The following SNX29 variants were observed in gnomAD, a reference collection of about 807,000 sequenced individuals.
SNX29 encodes sorting nexin-29.
In SNX29, 78 loss-of-function variants were observed where a neutral mutation model predicts 102.1. The ratio of observed to expected loss-of-function variants is 0.76; its 90% CI spans 0.64 to 0.92. SNX29 has a LOEUF of 0.92. Ranked by LOEUF, SNX29 falls within the 40% of genes least tolerant of loss-of-function variation. The pLI is 0.00. For missense variants in SNX29, 1,280 were observed against 1,061.7 expected, an observed-to-expected ratio of 1.21 and a Z score of -2.86; for synonymous variants, 580 against 414.5, an observed-to-expected ratio of 1.40 and a Z score of -4.85.
chr16:12,140,029 G>A (rs1304413245), intron 13 of SNX29, among the ~76,000 whole-genome samples: 1 of 145,748 alleles, frequency 6.9e-6, no homozygotes, highest in Non-Finnish European at 1.5e-5. Flanking sequence ...ACCACTTAGA[G>A]TCAGTAGTAG....
intron 13 of SNX29, among the ~76,000 whole-genome samples, chr16:12,147,623 A>C (rs1421750207): frequency 6.6e-6 from 1 of 152,248 alleles, no homozygotes; most frequent in Non-Finnish European, 1.5e-5. Context: ...GGAATGAAAC[A>C]GCTGGATGTA....
intron 13 of SNX29, among the ~76,000 whole-genome samples, chr16:12,188,587 T>C (rs1331751639): frequency 1.3e-5 from 2 of 152,216 alleles, no homozygotes; most frequent in Admixed American, 1.3e-4. Flanking sequence ...TGACGAGTTG[T>C]TTGGGCTGTT....
At chr16:12,020,122 C>G (rs576433109) in intron 3 of SNX29, among the ~76,000 whole-genome samples, 1 of 151,534 alleles carries the variant, frequency 6.6e-6, no homozygotes, top group African/African-American at 2.4e-5. Context: ...TAGGCAGTTT[C>G]TAAACTTTTT....
chr16:11,984,018 T>G (rs548703274), intron 1 of SNX29, among the ~76,000 whole-genome samples: 1 of 152,130 alleles, frequency 6.6e-6, no homozygotes, highest in African/African-American at 2.4e-5. Context: ...AGGGGATGAT[T>G]AGCAAAAAAG....
intron 20 of SNX29, among the ~76,000 whole-genome samples, chr16:12,541,404 TAAAG>T (rs749717247): frequency 3.9e-5 from 6 of 152,216 alleles, no homozygotes; most frequent in African/African-American, 1.2e-4. Flanking sequence ...ATTGTACAGA[TAAAG>T]AAACTGAGGC....
intron 13 of SNX29, among the ~76,000 whole-genome samples, chr16:12,132,331 C>G (rs1315820838): frequency 6.6e-6 from 1 of 152,146 alleles, no homozygotes; most frequent in African/African-American, 2.4e-5. Flanking sequence ...AGCTCCTGAC[C>G]TCAGGTGATC....
At chr16:12,284,277 G>A (rs1168716502) in intron 15 of SNX29, among the ~76,000 whole-genome samples, 7 of 152,354 alleles carry the variant, frequency 4.6e-5, no homozygotes, top group South Asian at 2.1e-4. Flanking sequence ...TCCTGGGCAC[G>A]CCCCCTAACC....
chr16:12,004,340 C>CA (rs759151874), intron 3 of SNX29, among the ~76,000 whole-genome samples: 1,291 of 119,094 alleles, frequency 0.011, 16 homozygotes, highest in African/African-American at 0.031. Flanking sequence ...GATTCCATCT[C>CA]AAAAAAAAAA....
intron 20 of SNX29, among the ~76,000 whole-genome samples, chr16:12,541,457 A>G (rs2077336510): frequency 6.6e-6 from 1 of 152,198 alleles, no homozygotes; most frequent in Non-Finnish European, 1.5e-5. Context: ...ACCCACGCTT[A>G]GTGCTTGATG....
At chr16:12,496,569 G>C (rs897288723) in intron 19 of SNX29, among the ~76,000 whole-genome samples, 1 of 146,194 alleles carries the variant, frequency 6.8e-6, no homozygotes, top group African/African-American at 2.6e-5. Context: ...AGAGTGCAGT[G>C]GTGCAATCTG....
At chr16:12,408,157 C>CCAAT (rs140129130) in intron 18 of SNX29, among the ~76,000 whole-genome samples, 1 of 142,926 alleles carries the variant, frequency 7.0e-6, no homozygotes, top group African/African-American at 2.8e-5. Context: ...GGACCCTTCT[C>CCAAT]AAAAAAACAA....
intron 15 of SNX29, among the ~76,000 whole-genome samples, chr16:12,287,529 G>C (rs941343442): frequency 6.6e-6 from 1 of 152,124 alleles, no homozygotes; most frequent in Non-Finnish European, 1.5e-5. Context: ...AGTAGTGTTT[G>C]GAAGGAAATC....
At chr16:12,066,031 C>T (rs749822744) in intron 9 of SNX29, among the ~76,000 whole-genome samples, 47 of 152,260 alleles carry the variant, frequency 3.1e-4, no homozygotes, top group East Asian at 1.9e-3. Context: ...AAGCCATTCG[C>T]GGTTGTGCAT....
rs1269105775 is a variant in SNX29 at position 12,098,279 on chromosome 16, T to G, written c.1402+19364T>G. Among the ~76,000 whole-genome samples the G allele has an allele frequency of 6.6e-6, 1 of 152,214 alleles. No homozygotes were observed. The highest frequency in any genetic ancestry group is 1.5e-5 in the Non-Finnish European group (1 of 68,040). On this transcript the variant is annotated intron_variant, in intron 11 of 20. Coordinates refer to ENST00000566228, the MANE Select transcript of SNX29 (RefSeq NM_032167.5). This position sits in a 1 kb window ranked among gnomAD's most constrained non-coding sequence, Gnocchi z 6.0. ...TAAATTTTTGTTTTGCATAAGTATA[T>G]ATTTACATGGAACAAAACTCAAAAG...
chr16:12,404,722 T>C (rs1297290658), intron 18 of SNX29, among the ~76,000 whole-genome samples: 2 of 152,236 alleles, frequency 1.3e-5, no homozygotes, highest in African/African-American at 4.8e-5. Flanking sequence ...GTTTAAATCC[T>C]GTGACCTTAG....
intron 13 of SNX29, among the ~76,000 whole-genome samples, chr16:12,158,538 G>C (rs765643363): frequency 1.3e-5 from 2 of 152,180 alleles, no homozygotes; most frequent in Non-Finnish European, 2.9e-5. Context: ...CAGTAGTCCT[G>C]CTTGAGCATT....
intron 5 of SNX29, among the ~76,000 whole-genome samples, chr16:12,046,001 T>C (rs960606816): frequency 2.6e-5 from 4 of 152,154 alleles, no homozygotes; most frequent in Non-Finnish European, 5.9e-5. Flanking sequence ...TGGTCTCTTC[T>C]TGTATTAGGC....
In SNX29 at chr16:12,129,881, G is replaced by T. The variant is rs567969773; in HGVS notation, c.1595+123G>T. On this transcript the variant is annotated intron_variant, in intron 13 of 20. Coordinates refer to ENST00000566228, the MANE Select transcript of SNX29 (RefSeq NM_032167.5). Reference sequence around the variant, plus strand: ...GCACTTTGGGAGGCCAAGGCGGGTGGATCATAAGGTCAGGAGATCGAGACC... The same window carrying T: ...GCACTTTGGGAGGCCAAGGCGGGTGTATCATAAGGTCAGGAGATCGAGACC... 1.6e-4 allele frequency: 187 copies of T among 1,195,590 alleles called. No homozygotes were observed. The African/African-American group carries it at 2.6e-3, about 17-fold the overall frequency. 74.1% of individuals were successfully genotyped at this position (1,195,590 alleles called of 1,614,324 possible). A position where few individuals can be genotyped will look rare whatever the true frequency, so the allele number is the denominator to read the frequency against.
intron 14 of SNX29, among the ~76,000 whole-genome samples, chr16:12,209,482 G>A (rs1166311569): frequency 6.6e-6 from 1 of 152,160 alleles, no homozygotes; most frequent in Non-Finnish European, 1.5e-5. Flanking sequence ...GAGCCACTGT[G>A]CCTGGCTTTG....
Sources: allele counts gnomAD v4.1 joint callset (sites outside exome capture counted in the v4.1 genomes callset), GRCh38; gene constraint gnomAD v4.1.1; non-coding constraint Gnocchi (gnomAD v3.1); transcripts MANE v1.5; gene names NCBI Gene and HGNC (gene_info 2026-07-23, HGNC 2026-07-21).